Variants in REEP2 observed in about 807,000 individuals in gnomAD.
REEP2 encodes receptor expression-enhancing protein 2.
In REEP2, 9 loss-of-function variants were observed where a neutral mutation model predicts 32.1. That is an observed-to-expected ratio of 0.28 (90% CI 0.17 to 0.49). The LOEUF (loss-of-function observed/expected upper bound fraction) is 0.49, where lower values mean the gene tolerates loss of function less well. Among genes scored for constraint, REEP2 ranks in the 20% least tolerant of loss-of-function variants. REEP2 has a pLI of 0.99. For missense variants in REEP2, 236 were observed against 338.0 expected, an observed-to-expected ratio of 0.70 and a Z score of 2.37; for synonymous variants, 128 against 139.1, an observed-to-expected ratio of 0.92 and a Z score of 0.56.
chr5:138,445,771 C>T lies in REEP2; in HGVS notation c.*20C>T, dbSNP rs1430394200. ...GCTTGAGCCCCTCCACCCCCGCAGGCTGCAGAGCAAGGATGAAGCCTCAGG... is the reference window on the plus strand; with the variant it reads ...GCTTGAGCCCCTCCACCCCCGCAGGTTGCAGAGCAAGGATGAAGCCTCAGG... On this transcript the variant is annotated 3_prime_UTR_variant, in exon 8 of 8. Coordinates refer to ENST00000378339, the MANE Select transcript of REEP2 (RefSeq NM_001271803.2). 3 of 1,609,798 alleles carry T rather than the reference C, an allele frequency of 1.9e-6. No homozygotes were observed. Among genetic ancestry groups the T allele is most frequent in the South Asian group, 2.2e-5 (2 of 90,456 alleles).
In REEP2 at chr5:138,441,100, AC is replaced by A; in HGVS notation, c.105+15del. 1 of 1,613,596 alleles carries A rather than the reference AC, an allele frequency of 6.2e-7. No individual in the cohort carries two copies. Among genetic ancestry groups the A allele is most frequent in the Non-Finnish European group, 8.5e-7 (1 of 1,179,936 alleles). ...ACGTGAAGGAATATGTGAGTGGATG[AC>A]CCTTCACCCCCTACCCAACCCACAT... On this transcript the variant is annotated intron_variant, in intron 2 of 7. Coordinates refer to ENST00000378339, the MANE Select transcript of REEP2 (RefSeq NM_001271803.2). The surrounding 1 kb of genome is among the most constrained non-coding windows in gnomAD (Gnocchi z 4.4).
intron 3 of REEP2, 65 bp from the exon 4 acceptor site, chr5:138,444,350 C>G (rs1274395623): frequency 4.4e-6 from 7 of 1,577,344 alleles, no homozygotes; most frequent in Non-Finnish European, 5.2e-6. Flanking sequence ...GGGGCCGGTG[C>G]TGCTGGACAC....
rs1180819712 is a variant in REEP2 at position 138,439,180 on chromosome 5, CCCCGCCCCGCGCCGCG to C, written c.-24_-9del. The stretch of plus-strand genomic sequence containing the variant: ...AGCTGCATCCTCGGCCGGGCCGGGT[CCCCGCCCCGCGCCGCG>C]CCCGGCCCCGCCATGGTGTCCTGGA... On this transcript the variant is annotated 5_prime_UTR_variant, in exon 1 of 8. Transcript: ENST00000378339. 3.1e-5 allele frequency: 42 copies of C among 1,352,382 alleles called. No homozygotes were observed. The highest frequency in any genetic ancestry group is 3.9e-5 in the Non-Finnish European group (41 of 1,054,352). 83.8% of individuals were successfully genotyped at this position (1,352,382 alleles called of 1,614,324 possible).
intron 1 of REEP2, among the ~76,000 whole-genome samples, 159 bp downstream of exon 1, chr5:138,439,399 C>T (rs1017429473): frequency 6.6e-6 from 1 of 152,182 alleles, no homozygotes; most frequent in Non-Finnish European, 1.5e-5. Flanking sequence ...GCACCCAGGA[C>T]TGGAGGGGGG....
In REEP2 at chr5:138,441,717, G is replaced by C. The variant is rs1297253851; in HGVS notation, c.182+256G>C. Among the ~76,000 whole-genome samples, 1 of 152,010 alleles carries C rather than the reference G, an allele frequency of 6.6e-6. No homozygotes were observed. Among genetic ancestry groups the C allele is most frequent in the African/African-American group, 2.4e-5 (1 of 41,368 alleles). On this transcript the variant is annotated intron_variant, in intron 3 of 7. Transcript: ENST00000378339. This position sits in a 1 kb window ranked among gnomAD's most constrained non-coding sequence, Gnocchi z 4.4. ...AAGTGGGTGGATCATTTGAGGTCAG[G>C]AGTTTGAGACCAGCCTGGCCAACAT...
At chr5:138,445,122 G>C (rs565261246) in intron 5 of REEP2, 106 bp from the exon 6 acceptor site, 1 of 1,269,520 alleles carries the variant, frequency 7.9e-7, no homozygotes, top group East Asian at 2.3e-5. Flanking sequence ...GGTGAGGACA[G>C]TGTGGGGAGG....
In REEP2 at chr5:138,445,379, C is replaced by T. The variant is rs1360430910; in HGVS notation, c.565+4C>T. 6.2e-7 allele frequency: 1 copy of T among 1,611,738 alleles called. No individual in the cohort carries two copies. The highest frequency in any genetic ancestry group is 8.5e-7 in the Non-Finnish European group (1 of 1,178,834). On this transcript the variant is annotated splice_donor_region_variant and intron_variant, in intron 6 of 7. Coordinates refer to ENST00000378339, the MANE Select transcript of REEP2 (RefSeq NM_001271803.2). ...CTGGACACCATCGAGGACTTAGGTACAGGCAGGGCCCGGGGTTGGGGTGGG... is the reference window on the plus strand; with the variant it reads ...CTGGACACCATCGAGGACTTAGGTATAGGCAGGGCCCGGGGTTGGGGTGGG...
rs1396658622 is a variant in REEP2, at chr5:138,444,308, C to G, written c.183-107C>G. The stretch of plus-strand genomic sequence containing the variant: ...TGAGCCCCATGGGGACCCCAGTGCA[C>G]TAAGAGTGAGGGGCTGTGCAGGGTC... On this transcript the variant is annotated intron_variant, in intron 3 of 7. Transcript: ENST00000378339. 7 of 1,393,088 alleles carry G rather than the reference C, an allele frequency of 5.0e-6. No individual in the cohort carries two copies. The East Asian group carries it at 1.6e-4, about 32-fold the overall frequency. The allele number at this position is 1,393,088 out of a possible 1,614,324, so 86.3% of individuals were successfully genotyped here. A position where few individuals can be genotyped will look rare whatever the true frequency, so the allele number is the denominator to read the frequency against.
intron 3 of REEP2, 163 bp from the exon 4 acceptor site, chr5:138,444,252 G>A (rs574455096): frequency 1.3e-6 from 1 of 744,278 alleles, no homozygotes; most frequent in African/African-American, 1.8e-5. Flanking sequence ...GAGCCCTCCA[G>A]ACCCTTTCAG....
rs943187251 is a variant in REEP2 at position 138,446,328 on chromosome 5, T to C, written c.*577T>C. The C allele has an allele frequency of 1.3e-5, 2 of 153,888 alleles. No homozygotes were observed. The highest frequency in any genetic ancestry group is 4.8e-5 in the African/African-American group (2 of 41,424). 9.5% of individuals were successfully genotyped at this position (153,888 alleles called of 1,614,324 possible). On this transcript the variant is annotated 3_prime_UTR_variant, in exon 8 of 8. Coordinates refer to ENST00000378339, the MANE Select transcript of REEP2 (RefSeq NM_001271803.2). ...CCAGAGCTGCAGCTGGGGGCTCTTT[T>C]CCTGGTCATTGGGTGGGGCTGAGTG...
rs759224351 is a variant in REEP2, at chr5:138,441,509, C to A, written c.182+48C>A. On this transcript the variant is annotated intron_variant, in intron 3 of 7. Transcript: ENST00000378339. The surrounding 1 kb of genome is among the most constrained non-coding windows in gnomAD (Gnocchi z 4.4). ...GTATCTCAGGGCCCAGGGCCTCTGC[C>A]TTTCTCTACCCAGCCAGCCAAACAA... 3 of 1,520,870 alleles carry A rather than the reference C, an allele frequency of 2.0e-6. No homozygotes were observed. Among genetic ancestry groups the A allele is most frequent in the Non-Finnish European group, 2.7e-6 (3 of 1,095,446 alleles). The allele number at this position is 1,520,870 out of a possible 1,614,324, so 94.2% of individuals were successfully genotyped here.
intron 5 of REEP2, 32 bp downstream of exon 5, chr5:138,444,899 C>T (rs753836980): frequency 4.6e-6 from 7 of 1,533,512 alleles, no homozygotes; most frequent in Non-Finnish European, 6.3e-6. Flanking sequence ...ACTCCCAGGG[C>T]CCCTACCTTG....
At position 138,441,193 on chromosome 5, in the gene REEP2, C is replaced by A; in HGVS notation, c.105+105C>A. The A allele has an allele frequency of 6.8e-7, 1 of 1,477,884 alleles. No homozygotes were observed. The highest frequency in any genetic ancestry group is 9.3e-7 in the Non-Finnish European group (1 of 1,072,060). The allele number at this position is 1,477,884 out of a possible 1,614,324, so 91.5% of individuals were successfully genotyped here. On this transcript the variant is annotated intron_variant, in intron 2 of 7. Coordinates refer to ENST00000378339, the MANE Select transcript of REEP2 (RefSeq NM_001271803.2). This position sits in a 1 kb window ranked among gnomAD's most constrained non-coding sequence, Gnocchi z 4.4. ...GGTGACTTTGCACCAACACTGTCAG[C>A]CACTAACAAGACCCACCAGCAAAGG...
intron 1 of REEP2, among the ~76,000 whole-genome samples, chr5:138,440,262 A>G (rs1024640603): frequency 9.9e-5 from 15 of 151,800 alleles, no homozygotes; most frequent in Non-Finnish European, 1.9e-4. Context: ...GTCCTGGTTT[A>G]CTCTAGACTC....
intron 1 of REEP2, chr5:138,439,664 G>T: frequency 2.2e-6 from 1 of 461,152 alleles, no homozygotes; most frequent in Non-Finnish European, 4.3e-6. Context: ...GCAAGGCAGG[G>T]CCTCATCATC....
chr5:138,445,483 T>G lies in REEP2; in HGVS notation c.581T>G (p.Leu194Arg), dbSNP rs2127026266. Residue 194 changes from leucine to arginine, a missense_variant, in exon 7 of 8, where the codon CTG becomes CGG. By Grantham distance (102) the Leu-to-Arg change is moderately radical. Transcript: ENST00000378339. ...CTGCACCCAGGAGATGACCCTGCCC[T>G]GAGTCTAAGGTCCAGCACAAACCCG... ...TIEDLGDDPA[L>R]SLRSSTNPAD... 1 of 1,614,074 alleles carries G rather than the reference T, an allele frequency of 6.2e-7. No individual in the cohort carries two copies. Among genetic ancestry groups the G allele is most frequent in the African/African-American group, 1.3e-5 (1 of 75,028 alleles).
In REEP2 at chr5:138,441,360, G is replaced by A. The variant is rs780508222; in HGVS notation, c.106-25G>A. 2 of 1,610,536 alleles carry A rather than the reference G, an allele frequency of 1.2e-6. No individual in the cohort carries two copies. The highest frequency in any genetic ancestry group is 2.7e-5 in the African/African-American group (2 of 74,870). On this transcript the variant is annotated intron_variant, in intron 2 of 7. Transcript: ENST00000378339. This position sits in a 1 kb window ranked among gnomAD's most constrained non-coding sequence, Gnocchi z 4.4. The stretch of plus-strand genomic sequence containing the variant: ...CCTGGCCCCTCAGCCCCGTGCCCCA[G>A]CCAGCGCTTCCCTCTGTCCCTCAGG...
At chr5:138,444,720 C>G (rs765756493) in intron 4 of REEP2, 34 bp from the exon 5 acceptor site, 2 of 1,598,256 alleles carry the variant, frequency 1.3e-6, no homozygotes, top group South Asian at 2.2e-5. Context: ...AGGGCAGGAC[C>G]TCTCCTCTTC....
chr5:138,443,295 T>G (rs1228683957), intron 3 of REEP2, among the ~76,000 whole-genome samples: 4 of 151,038 alleles, frequency 2.6e-5, no homozygotes, highest in Non-Finnish European at 5.9e-5. Flanking sequence ...ACCCCTTATC[T>G]ACTAAAAATA....
Sources: allele counts gnomAD v4.1 joint callset (sites outside exome capture counted in the v4.1 genomes callset), GRCh38; gene constraint gnomAD v4.1.1; non-coding constraint Gnocchi (gnomAD v3.1); transcripts MANE v1.5; gene names NCBI Gene and HGNC (gene_info 2026-07-23, HGNC 2026-07-21).